BRAF: variants seen among roughly 807,000 people sequenced by gnomAD.
BRAF encodes the protein B-Raf proto-oncogene, serine/threonine kinase, also known as serine/threonine-protein kinase B-raf.
Under a neutral mutation model 104.6 loss-of-function variants are expected in BRAF, and 16 were observed. That is an observed-to-expected ratio of 0.15 (90% CI 0.10 to 0.23). BRAF has a LOEUF of 0.23. Ranked by LOEUF, BRAF falls within the 10% of genes least tolerant of loss-of-function variation. The pLI is 1.00. For missense variants in BRAF, 541 were observed against 937.3 expected (o/e 0.58, Z 5.52); for synonymous variants, 310 against 341.6 (o/e 0.91, Z 1.02).
chr7:140,776,213 GATC>G (rs1226520807), intron 14 of BRAF, among the ~76,000 whole-genome samples: 7 of 152,110 alleles, frequency 4.6e-5, no homozygotes, highest in East Asian at 1.9e-4. Flanking sequence ...ACAAAATTCA[GATC>G]ATATCTATTT....
chr7:140,768,425 T>C (rs1301031162), intron 14 of BRAF, among the ~76,000 whole-genome samples: 2 of 152,020 alleles, frequency 1.3e-5, no homozygotes, highest in Admixed American at 6.6e-5. Context: ...GTGTTGAGAG[T>C]TGGTGGGACC....
intron 14 of BRAF, among the ~76,000 whole-genome samples, chr7:140,755,580 C>A (rs1320309603): frequency 1.3e-5 from 2 of 152,142 alleles, no homozygotes; most frequent in African/African-American, 4.8e-5. Flanking sequence ...AGTTTATGTT[C>A]TTCATAGCAT....
chr7:140,839,382 TTTAA>T (rs886709758), intron 2 of BRAF, among the ~76,000 whole-genome samples: 16 of 152,134 alleles, frequency 1.1e-4, no homozygotes, highest in Non-Finnish European at 2.1e-4. Flanking sequence ...TAAGAAAAAG[TTTAA>T]TTATTTTTTT....
rs371877084 is a variant in BRAF, at chr7:140,924,626, C to T, written c.78G>A (p.Glu26=). ...QALFNGDMEP[E]AGAGAGAAAS... Reference sequence around the variant, plus strand: ...CCGCGGCGCCGGCGCCGGCGCCGGCCTCGGGCTCCATGTCCCCGTTGAACA... The same window carrying T: ...CCGCGGCGCCGGCGCCGGCGCCGGCTTCGGGCTCCATGTCCCCGTTGAACA... Residue 26 remains glutamate, a synonymous_variant, in exon 1 of 20, where the codon GAG becomes GAA. Coordinates refer to ENST00000644969, the MANE Select transcript of BRAF (RefSeq NM_001374258.1). The surrounding 1 kb of genome is among the most constrained non-coding windows in gnomAD (Gnocchi z 4.2). The T allele has an allele frequency of 6.6e-7, 1 of 1,519,102 alleles. No homozygotes were observed. The highest frequency in any genetic ancestry group is 1.2e-5 in the South Asian group (1 of 83,582). 94.1% of individuals were successfully genotyped at this position (1,519,102 alleles called of 1,614,324 possible).
At chr7:140,909,706 A>T (rs1308096625) in intron 1 of BRAF, among the ~76,000 whole-genome samples, 3 of 152,036 alleles carry the variant, frequency 2.0e-5, no homozygotes, top group African/African-American at 7.2e-5. Context: ...TGGTAACTGA[A>T]TTCCTGAAAA....
intron 1 of BRAF, among the ~76,000 whole-genome samples, chr7:140,910,640 G>A (rs1260936160): frequency 1.3e-5 from 2 of 152,002 alleles, no homozygotes; most frequent in East Asian, 3.9e-4. Context: ...AGGTAATCTT[G>A]TAACACCCAA....
intron 1 of BRAF, among the ~76,000 whole-genome samples, chr7:140,913,499 T>TG (rs1554428246): frequency 6.9e-6 from 1 of 144,360 alleles, no homozygotes; most frequent in Non-Finnish European, 1.5e-5. Flanking sequence ...TTTTTTTTTT[T>TG]GTGAGACAGA....
chr7:140,869,968 G>C (rs1052688356), intron 1 of BRAF, among the ~76,000 whole-genome samples: 2 of 137,400 alleles, frequency 1.5e-5, no homozygotes, highest in African/African-American at 3.4e-5. Context: ...ATTTAAACAG[G>C]GTCAACCAAA....
chr7:140,851,949 C>G (rs1382145361), intron 1 of BRAF, among the ~76,000 whole-genome samples: 2 of 151,914 alleles, frequency 1.3e-5, no homozygotes, highest in African/African-American at 4.8e-5. Context: ...GGATATTAAT[C>G]TTTATTCTTC....
chr7:140,729,820 G>A (rs1795836066), intron 19 of BRAF, among the ~76,000 whole-genome samples: 1 of 152,090 alleles, frequency 6.6e-6, no homozygotes, highest in African/African-American at 2.4e-5. Context: ...CTGCACCACT[G>A]CATTCCAGAC....
At chr7:140,748,539 A>G (rs2128993483) in intron 17 of BRAF, among the ~76,000 whole-genome samples, 1 of 152,306 alleles carries the variant, frequency 6.6e-6, no homozygotes, top group East Asian at 1.9e-4. Context: ...TTATGTGGTC[A>G]ACTAGTGTTT....
Position 140,721,991 on chromosome 7 carries a change from A to G in BRAF, c.*4503T>C, listed in dbSNP as rs181991732. 8.6e-5 allele frequency: 102 copies of G among 1,186,076 alleles called. 3 individuals carry two copies. In the East Asian group the frequency reaches 1.5e-3, roughly 18 times the overall value. 73.5% of individuals were successfully genotyped at this position (1,186,076 alleles called of 1,614,324 possible). A position where few individuals can be genotyped will look rare whatever the true frequency, so the allele number is the denominator to read the frequency against. ...AACTGATAAAACCAAATTCGGTCCT[A>G]TATTTCAATTTCCCCTTCTAAGTTA... On this transcript the variant is annotated 3_prime_UTR_variant, in exon 20 of 20. Coordinates refer to ENST00000644969, the MANE Select transcript of BRAF (RefSeq NM_001374258.1).
At chr7:140,871,576 C>T (rs191951407) in intron 1 of BRAF, among the ~76,000 whole-genome samples, 1 of 152,066 alleles carries the variant, frequency 6.6e-6, no homozygotes, top group Non-Finnish European at 1.5e-5. Context: ...ATATTTTTAA[C>T]CTTTATTAAC....
At chr7:140,772,573 G>A (rs1799958597) in intron 14 of BRAF, among the ~76,000 whole-genome samples, 1 of 152,074 alleles carries the variant, frequency 6.6e-6, no homozygotes, top group Admixed American at 6.5e-5. Context: ...CTGAGAGAGT[G>A]TCGCTGCGCT....
intron 2 of BRAF, among the ~76,000 whole-genome samples, chr7:140,841,935 C>T (rs1314651254): frequency 4.0e-5 from 6 of 151,844 alleles, no homozygotes; most frequent in South Asian, 2.1e-4. Flanking sequence ...GAAAAAGCAG[C>T]GAAATAAAAA....
At chr7:140,847,503 A>T (rs754123322) in intron 2 of BRAF, among the ~76,000 whole-genome samples, 2 of 151,922 alleles carry the variant, frequency 1.3e-5, no homozygotes, top group Non-Finnish European at 2.9e-5. Context: ...AAATTGCTTG[A>T]ACCTGGGAGG....
chr7:140,720,196 T>C lies in BRAF; in HGVS notation c.*6298A>G. On this transcript the variant is annotated 3_prime_UTR_variant, in exon 20 of 20. Coordinates refer to ENST00000644969, the MANE Select transcript of BRAF (RefSeq NM_001374258.1). ...AGCAATTGCCATGTTGAGGAAAGGATCAGATGTACAACCAACAAATGAGAT... is the reference window on the plus strand; with the variant it reads ...AGCAATTGCCATGTTGAGGAAAGGACCAGATGTACAACCAACAAATGAGAT... The C allele has an allele frequency of 9.4e-7, 1 of 1,062,654 alleles. No individual in the cohort carries two copies. The highest frequency in any genetic ancestry group is 4.6e-5 in the South Asian group (1 of 21,938). 65.8% of individuals were successfully genotyped at this position (1,062,654 alleles called of 1,614,324 possible).
chr7:140,843,536 G>C (rs889345904), intron 2 of BRAF, among the ~76,000 whole-genome samples: 4 of 152,002 alleles, frequency 2.6e-5, no homozygotes, highest in Non-Finnish European at 4.4e-5. Context: ...TATGGATTGG[G>C]ATTTATTCCT....
chr7:140,923,315 A>C lies in BRAF; in HGVS notation c.138+1251T>G, dbSNP rs568751095. ...AGTAAGTCACATTACCTAATCAATA[A>C]CTGTAAACCACAATTATTATACCAT... On this transcript the variant is annotated intron_variant, in intron 1 of 19. Transcript: ENST00000644969. Among the ~76,000 whole-genome samples, 7 of 152,326 alleles carry C rather than the reference A, an allele frequency of 4.6e-5. No homozygotes were observed. In the South Asian group the frequency reaches 1.4e-3, roughly 32 times the overall value.
Sources: gnomAD v4.1 joint callset for allele counts (sites outside exome capture counted in the v4.1 genomes callset) on GRCh38, gnomAD v4.1.1 for gene constraint, Gnocchi (gnomAD v3.1) non-coding constraint, MANE v1.5 for transcripts, NCBI Gene and HGNC (gene_info 2026-07-23, HGNC 2026-07-21) for gene names.